The following PITRM1 variants were observed in gnomAD, a reference collection of about 807,000 sequenced individuals.
PITRM1 encodes presequence protease, mitochondrial.
Under a neutral mutation model 129.9 loss-of-function variants are expected in PITRM1, and 100 were observed. That is an observed-to-expected ratio of 0.77 (90% CI 0.65 to 0.91). The LOEUF (loss-of-function observed/expected upper bound fraction) is 0.91, where lower values mean the gene tolerates loss of function less well. PITRM1 is among the 40% of genes least tolerant of loss of function. PITRM1 has a pLI of 0.00. For synonymous variants in PITRM1, 591 were observed against 508.8 expected, an observed-to-expected ratio of 1.16 and a Z score of -2.17; for missense variants, 1,471 against 1,318.3, an observed-to-expected ratio of 1.12 and a Z score of -1.79.
intron 24 of PITRM1, among the ~76,000 whole-genome samples, chr10:3,139,434 GAA>G (rs1839958744): frequency 6.6e-6 from 1 of 152,172 alleles, no homozygotes; most frequent in African/African-American, 2.4e-5. Flanking sequence ...TCATCTCCCT[GAA>G]GACACACCCA....
intron 18 of PITRM1, 87 bp downstream of exon 18, chr10:3,147,900 C>T: frequency 8.2e-7 from 1 of 1,222,618 alleles, no homozygotes; most frequent in Non-Finnish European, 1.2e-6. Context: ...CAACAACACA[C>T]ACGAGTAAAA....
chr10:3,149,750 C>T lies in PITRM1; in HGVS notation c.1742G>A (p.Gly581Glu). The T allele has an allele frequency of 6.2e-7, 1 of 1,613,568 alleles. No individual in the cohort carries two copies. The highest frequency in any genetic ancestry group is 8.5e-7 in the Non-Finnish European group (1 of 1,179,774). The change falls in exon 16 of 27, where the codon GGA becomes GAA. Residue 581 changes from glycine to glutamate, a missense_variant. Physicochemically the swap from Gly to Glu is moderately conservative, Grantham distance 98. Transcript: ENST00000224949. ...GGCGCAGTACTGAACAGGGATATCT[C>T]CAGCTAGAAAAACAAAAGGGATTTA... is the stretch of plus-strand genomic sequence containing the variant. The part of the protein sequence containing the change: ...VTELDVVLTA[G>E]DIPVQYCAQP...
chr10:3,163,475 G>A (rs969038888), intron 7 of PITRM1: 1 of 297,576 alleles, frequency 3.4e-6, no homozygotes, highest in African/African-American at 2.2e-5. Flanking sequence ...TGCGGGGCCA[G>A]GACCCTCCTC....
chr10:3,161,659 T>C (rs914158970), intron 7 of PITRM1, among the ~76,000 whole-genome samples: 2 of 143,000 alleles, frequency 1.4e-5, no homozygotes, highest in African/African-American at 5.3e-5. Flanking sequence ...AGGGCCCGGC[T>C]GTGCGTGCAT....
chr10:3,143,985 G>T (rs1840556695), intron 22 of PITRM1: 2 of 542,302 alleles, frequency 3.7e-6, no homozygotes, highest in South Asian at 2.0e-5. Flanking sequence ...GTTCAAAGAA[G>T]GGTGAGTTGC....
chr10:3,154,809 G>A (rs1033245681), intron 14 of PITRM1, among the ~76,000 whole-genome samples: 61 of 152,020 alleles, frequency 4.0e-4, no homozygotes, highest in African/African-American at 1.4e-3. Flanking sequence ...CTTCTCTCCC[G>A]TGGCCTCCTC....
chr10:3,159,828 C>T lies in PITRM1; in HGVS notation c.1007+20G>A. 1 of 1,453,452 alleles carries T rather than the reference C, an allele frequency of 6.9e-7. No individual in the cohort carries two copies. Among genetic ancestry groups the T allele is most frequent in the Non-Finnish European group, 9.6e-7 (1 of 1,042,592 alleles). 90.0% of individuals were successfully genotyped at this position (1,453,452 alleles called of 1,614,324 possible). On this transcript the variant is annotated intron_variant, in intron 9 of 26. Transcript: ENST00000224949. The stretch of plus-strand genomic sequence containing the variant: ...TCCTCATGTTTTTGTCTTGTATGAG[C>T]TTTGACAGCATATACTTACTCCGGT...
At position 3,138,920 on chromosome 10, in the gene PITRM1, G is replaced by A. The variant is rs192814210; in HGVS notation, c.2901C>T (p.Val967=). ...TCAAAATACCTTTGTCTGAAGGAGC[G>A]ACAGGAGCATCTACGGTTGAGAAGA... ...LSVFSTVDAP[V]APSDKGMDHF... The change falls in exon 25 of 27, where the codon GTC becomes GTT. Residue 967 remains valine, a synonymous_variant. Coordinates refer to ENST00000224949, the MANE Select transcript of PITRM1 (RefSeq NM_014889.4). 5.3e-4 allele frequency: 850 copies of A among 1,613,878 alleles called. No homozygotes were observed. Among genetic ancestry groups the A allele is most frequent in the Non-Finnish European group, 6.4e-4 (755 of 1,179,766 alleles).
At chr10:3,141,657 C>G (rs527347930) in intron 23 of PITRM1, 8 of 470,760 alleles carry the variant, frequency 1.7e-5, no homozygotes, top group Non-Finnish European at 3.1e-5. Context: ...ATGGGAGGGT[C>G]TGCAGCACAG....
intron 22 of PITRM1, chr10:3,143,922 C>T (rs780216433): frequency 2.9e-5 from 15 of 514,826 alleles, no homozygotes; most frequent in African/African-American, 1.3e-4. Flanking sequence ...GGCTGAGTCG[C>T]GGAAAGGATC....
At chr10:3,143,998 G>A (rs373387751) in intron 22 of PITRM1, 12 of 550,984 alleles carry the variant, frequency 2.2e-5, no homozygotes, top group South Asian at 6.0e-5. Flanking sequence ...TGAGTTGCCC[G>A]GGAGGAGACC....
In PITRM1 at chr10:3,137,744, C is replaced by T. The variant is rs1839675419; in HGVS notation, c.*287G>A. 1 of 430,268 alleles carries T rather than the reference C, an allele frequency of 2.3e-6. No homozygotes were observed. Among genetic ancestry groups the T allele is most frequent in the South Asian group, 2.1e-5 (1 of 47,100 alleles). The allele number at this position is 430,268 out of a possible 1,614,324, so 26.7% of individuals were successfully genotyped here. On this transcript the variant is annotated 3_prime_UTR_variant, in exon 27 of 27. Coordinates refer to ENST00000224949, the MANE Select transcript of PITRM1 (RefSeq NM_014889.4). ...AAGCAGAGGTTAAGTCAGAGTTGCC[C>T]TTTATTTTTAGATTCTTAAATATTC...
intron 20 of PITRM1, 199 bp downstream of exon 20, chr10:3,146,951 C>A: frequency 2.5e-6 from 1 of 399,844 alleles, no homozygotes; most frequent in Non-Finnish European, 4.5e-6. Flanking sequence ...ACAAAATTAG[C>A]CTGCTTTCTT....
intron 1 of PITRM1, among the ~76,000 whole-genome samples, chr10:3,171,809 G>C (rs146287970): frequency 1.3e-5 from 2 of 152,178 alleles, no homozygotes; most frequent in Non-Finnish European, 2.9e-5. Context: ...AGAGGCTGAG[G>C]AGGGGGATCA....
Position 3,149,721 on chromosome 10 carries a change from G to C in PITRM1, c.1771C>G (p.Pro591Ala), listed in dbSNP as rs767823938. ...CGGAAATACACCATGCCATTGGTGG[G>C]CTGGGCGCAGTACTGAACAGGGATA... ...GDIPVQYCAQ[P>A]TNGMVYFRAF... The change falls in exon 16 of 27, where the codon CCC (proline) becomes GCC (alanine). Residue 591 changes from proline to alanine, a missense_variant. By Grantham distance (27) the Pro-to-Ala change is conservative (BLOSUM62 -1). Transcript: ENST00000224949. 1.2e-6 allele frequency: 2 copies of C among 1,612,424 alleles called. No homozygotes were observed. The highest frequency in any genetic ancestry group is 2.2e-5 in the South Asian group (2 of 90,616).
intron 2 of PITRM1, among the ~76,000 whole-genome samples, chr10:3,168,406 T>C (rs972088502): frequency 6.6e-6 from 1 of 152,030 alleles, no homozygotes; most frequent in Non-Finnish European, 1.5e-5. Flanking sequence ...ACAAGAATCA[T>C]GACTTATCGT....
Position 3,163,744 on chromosome 10 carries a change from A to C in PITRM1, c.772T>G (p.Tyr258Asp). ...EQLKQFHATH[Y>D]HPSNARFFTY... ...TATTACCTAGCATTGCTTGGGTGAT[A>C]GTGAGTGGCATGAAACTGCTTAAGC... The change falls in exon 7 of 27, where the codon TAT (tyrosine) becomes GAT (aspartate). Residue 258 changes from tyrosine (Y) to aspartate (D), a missense_variant. Coordinates refer to ENST00000224949, the MANE Select transcript of PITRM1 (RefSeq NM_014889.4). 1 of 1,610,606 alleles carries C rather than the reference A, an allele frequency of 6.2e-7. No individual in the cohort carries two copies. The highest frequency in any genetic ancestry group is 8.5e-7 in the Non-Finnish European group (1 of 1,178,652).
Position 3,160,224 on chromosome 10 carries a change from G to A in PITRM1, c.898C>T (p.Gln300Ter), listed in dbSNP as rs1400366474. The change falls in exon 8 of 27, where the codon CAG (glutamine) becomes TAG (stop). Residue 300 changes from glutamine to a stop codon, truncating the protein, a stop_gained. Coordinates refer to ENST00000224949, the MANE Select transcript of PITRM1 (RefSeq NM_014889.4). LOFTEE classifies it high-confidence loss of function. ...CTCACAGGCTTGTCCCAGGGTGTCT[G>A]AGCTGGCACCACGGTGCTTGGTTCA... ...KIEPSTVVPAQTPWDKPREFQ... is the reference protein window; with the variant it reads ...KIEPSTVVPA The A allele has an allele frequency of 6.2e-7, 1 of 1,613,812 alleles. No individual in the cohort carries two copies. Among genetic ancestry groups the A allele is most frequent in the Non-Finnish European group, 8.5e-7 (1 of 1,179,866 alleles).
chr10:3,165,248 T>G lies in PITRM1; in HGVS notation c.620A>C (p.Lys207Thr), dbSNP rs1842762849. The change falls in exon 6 of 27, where the codon AAG becomes ACG. Residue 207 changes from lysine to threonine, a missense_variant. Physicochemically the swap from Lys to Thr is moderately conservative, Grantham distance 78. Transcript: ENST00000224949. ...VFKGVVFNEMKGAFTDNERIF... is the reference protein window; with the variant it reads ...VFKGVVFNEMTGAFTDNERIF... The stretch of plus-strand genomic sequence containing the variant: ...AGGAAGAAAACTTACAAACGCTCCC[T>G]TCATCTCATTAAAGACGACTCCTTT... 6.4e-7 allele frequency: 1 copy of G among 1,567,374 alleles called. No homozygotes were observed. Among genetic ancestry groups the G allele is most frequent in the Admixed American group, 1.9e-5 (1 of 52,070 alleles).
Sources: gnomAD v4.1 joint callset for allele counts (sites outside exome capture counted in the v4.1 genomes callset) on GRCh38, gnomAD v4.1.1 for gene constraint, MANE v1.5 for transcripts, NCBI Gene and HGNC (gene_info 2026-07-23, HGNC 2026-07-21) for gene names.